The following NOS1 variants were observed in gnomAD, a reference collection of about 807,000 sequenced individuals.
NOS1 encodes the protein nitric oxide synthase 1, also known as NOS type I.
A neutral mutation model predicts 164.5 loss-of-function variants in NOS1; 51 were observed. The observed-to-expected ratio is 0.31, with a 90% CI of 0.25 to 0.39. The LOEUF (loss-of-function observed/expected upper bound fraction) is 0.39, where lower values mean the gene tolerates loss of function less well. Ranked by LOEUF, NOS1 falls within the 10% of genes least tolerant of loss-of-function variation. The pLI, the probability that NOS1 is intolerant of heterozygous loss-of-function variation, is 1.00. For missense variants in NOS1, 1,362 were observed against 1,885.6 expected (o/e 0.72, Z 5.14); for synonymous variants, 719 against 745.8 (o/e 0.96, Z 0.59).
intron 26 of NOS1, among the ~76,000 whole-genome samples, chr12:117,220,996 G>GCC (rs948097861): frequency 1.3e-5 from 2 of 151,720 alleles, no homozygotes; most frequent in Admixed American, 1.3e-4. Context: ...CTCTCTGAGT[G>GCC]CCCCCCCAAC....
intron 17 of NOS1, among the ~76,000 whole-genome samples, chr12:117,250,058 G>A (rs1055097223): frequency 2.6e-5 from 4 of 152,050 alleles, no homozygotes; most frequent in African/African-American, 9.7e-5. Flanking sequence ...TTTTTAGGAC[G>A]ATGGGGACAA....
intron 15 of NOS1, 52 bp from the exon 16 acceptor site, chr12:117,258,507 T>C: frequency 1.3e-6 from 2 of 1,580,120 alleles, no homozygotes; most frequent in Non-Finnish European, 1.7e-6. Context: ...AAATGGGAAA[T>C]CAGGTCGGAT....
At chr12:117,357,357 A>G (rs557669061) in intron 1 of NOS1, among the ~76,000 whole-genome samples, 1 of 152,320 alleles carries the variant, frequency 6.6e-6, no homozygotes, top group African/African-American at 2.4e-5. Context: ...AGGTGGGAGG[A>G]ATTATTTTCA....
chr12:117,280,925 A>G (rs1435342441), intron 7 of NOS1, 59 bp from the exon 8 acceptor site: 1 of 1,577,008 alleles, frequency 6.3e-7, no homozygotes, highest in African/African-American at 1.3e-5. Flanking sequence ...GTGGGAACAT[A>G]CTAAACATGG....
chr12:117,292,103 G>C (rs116791420), intron 3 of NOS1, among the ~76,000 whole-genome samples: 3,492 of 152,210 alleles, frequency 0.023, 108 homozygotes, highest in African/African-American at 0.079. Flanking sequence ...TATAATACAT[G>C]CTCAATAAAT....
chr12:117,242,811 G>A lies in NOS1; in HGVS notation c.2963-106C>T, dbSNP rs1379504215. 7.6e-5 allele frequency: 72 copies of A among 948,200 alleles called. No homozygotes were observed. In the East Asian group the frequency reaches 1.7e-3, roughly 22 times the overall value. 58.7% of individuals were successfully genotyped at this position (948,200 alleles called of 1,614,324 possible). On this transcript the variant is annotated intron_variant, in intron 19 of 28. Coordinates refer to ENST00000317775, the MANE Select transcript of NOS1 (RefSeq NM_000620.5). ...CACGCCCATAATCCCAACTACTTAG[G>A]AGGCTGAGGTGGGAGGATCACTTGA...
chr12:117,328,953 G>A (rs1875395893), intron 2 of NOS1, among the ~76,000 whole-genome samples: 1 of 152,216 alleles, frequency 6.6e-6, no homozygotes, highest in South Asian at 2.1e-4. Context: ...TGTACAGCAT[G>A]TGACTGTACG....
chr12:117,277,836 C>T (rs1030460229), intron 9 of NOS1, 123 bp downstream of exon 9: 4 of 1,199,826 alleles, frequency 3.3e-6, no homozygotes, highest in East Asian at 2.4e-5. Context: ...AGGAACCAAG[C>T]CCCCCTTTCC....
rs555985207 is a variant in NOS1, at chr12:117,348,614, G to A, written c.-421+12898C>T. Among the ~76,000 whole-genome samples, 6 of 152,214 alleles carry A rather than the reference G, an allele frequency of 3.9e-5. No homozygotes were observed. The East Asian group carries it at 9.7e-4, about 24-fold the overall frequency. ...CCTCATCCTAAAAGCTAATATCCAC[G>A]AAATCGTCGTATAAATTTGCTAACT... On this transcript the variant is annotated intron_variant, in intron 1 of 28. Coordinates refer to ENST00000317775, the MANE Select transcript of NOS1 (RefSeq NM_000620.5).
chr12:117,330,928 G>A lies in NOS1; in HGVS notation c.142C>T (p.Arg48Cys), dbSNP rs80348085. Residue 48 changes from arginine (R) to cysteine (C), a missense_variant, in exon 2 of 29, where the codon CGT becomes TGT. Around this residue, in one of 4 missense-constraint regions of NOS1, gnomAD observed 362 missense variants for 402.0 expected, o/e 0.90. Transcript: ENST00000317775. This position sits in a 1 kb window ranked among gnomAD's most constrained non-coding sequence, Gnocchi z 4.6. ...KPPVIISDLIRGGAAEQSGLI... is the reference protein window; with the variant it reads ...KPPVIISDLICGGAAEQSGLI... ...CCACTCTGCTCTGCGGCGCCCCCAC[G>A]AATCAGGTCAGAGATGATCACGGGC... The A allele has an allele frequency of 6.8e-6, 11 of 1,614,056 alleles. No individual in the cohort carries two copies. The highest frequency in any genetic ancestry group is 4.0e-5 in the African/African-American group (3 of 74,932).
intron 1 of NOS1, among the ~76,000 whole-genome samples, chr12:117,338,387 C>A: frequency 6.8e-6 from 1 of 147,434 alleles, no homozygotes; most frequent in South Asian, 2.2e-4. Context: ...GGTGACAGAA[C>A]AAGACCCTGT....
At chr12:117,276,075 G>A (rs1209344212) in intron 9 of NOS1, among the ~76,000 whole-genome samples, 2 of 151,756 alleles carry the variant, frequency 1.3e-5, no homozygotes, top group Non-Finnish European at 2.9e-5. Context: ...GTAGGTGCAT[G>A]TACTTATGGG....
chr12:117,234,624 G>A lies in NOS1; in HGVS notation c.3176C>T (p.Ala1059Val), dbSNP rs56266548. 69 of 1,613,980 alleles carry A rather than the reference G, an allele frequency of 4.3e-5. No homozygotes were observed. Among genetic ancestry groups the A allele is most frequent in the African/African-American group, 9.3e-5 (7 of 74,922 alleles). Residue 1059 changes from alanine (A) to valine (V), a missense_variant, in exon 21 of 29, where the codon GCG becomes GTG. Ala to Val is a moderately conservative substitution (Grantham distance 64). This residue lies in a region of NOS1 where 737 missense variants were observed against 1,030.3 expected (regional missense o/e 0.72). Coordinates refer to ENST00000317775, the MANE Select transcript of NOS1 (RefSeq NM_000620.5). The surrounding 1 kb of genome is among the most constrained non-coding windows in gnomAD (Gnocchi z 4.3). ...VNALIERLED[A>V]PPVNQMVKVE... ...TTTCACCATCTGGTTGACAGGCGGC[G>A]CGTCCTCCAGCCGCTCGATCAGGGC... is the stretch of plus-strand genomic sequence containing the variant.
At chr12:117,310,591 G>C (rs1015206036) in intron 3 of NOS1, among the ~76,000 whole-genome samples, 3 of 152,134 alleles carry the variant, frequency 2.0e-5, no homozygotes, top group East Asian at 3.8e-4. Flanking sequence ...AAAACTATGT[G>C]ACTAGGATTA....
At chr12:117,228,785 A>C (rs1296970329) in intron 22 of NOS1, among the ~76,000 whole-genome samples, 1 of 151,778 alleles carries the variant, frequency 6.6e-6, no homozygotes, top group Non-Finnish European at 1.5e-5. Context: ...AACTTTTTTA[A>C]ATTTATTTTT....
intron 15 of NOS1, 149 bp downstream of exon 15, chr12:117,258,877 T>TA (rs1398106290): frequency 1.6e-6 from 1 of 616,476 alleles, no homozygotes; most frequent in African/African-American, 1.8e-5. Context: ...CCAACCTTTG[T>TA]ATAACTTGGA....
chr12:117,321,056 C>T (rs761482828), intron 2 of NOS1, among the ~76,000 whole-genome samples: 28 of 152,198 alleles, frequency 1.8e-4, no homozygotes, highest in Non-Finnish European at 4.0e-4. Flanking sequence ...GTTGCCCAGG[C>T]TGGAGTGCGG....
chr12:117,268,718 T>C (rs1872596499), intron 10 of NOS1, among the ~76,000 whole-genome samples: 1 of 151,070 alleles, frequency 6.6e-6, no homozygotes, highest in African/African-American at 2.4e-5. Flanking sequence ...GCCTCCTGAG[T>C]AGCTGGGACT....
Position 117,286,211 on chromosome 12 carries a change from T to C in NOS1, c.1183A>G (p.Thr395Ala). 1 of 1,614,192 alleles carries C rather than the reference T, an allele frequency of 6.2e-7. No homozygotes were observed. Among genetic ancestry groups the C allele is most frequent in the Non-Finnish European group, 8.5e-7 (1 of 1,180,046 alleles). Reference sequence around the variant, plus strand: ...TCCTTGAGCTGGTAAGTGCTAGTGGTGTCGATCTCTTTGTTCACCTCTTCC... The same window carrying C: ...TCCTTGAGCTGGTAAGTGCTAGTGGCGTCGATCTCTTTGTTCACCTCTTCC... Reference protein sequence around the residue: ...RLEEVNKEIDTTSTYQLKDTE... With the variant: ...RLEEVNKEIDATSTYQLKDTE... The change falls in exon 6 of 29, where the codon ACC becomes GCC. Residue 395 changes from threonine to alanine, a missense_variant. Physicochemically the swap from Thr to Ala is moderately conservative, Grantham distance 58 (BLOSUM62 0). Coordinates refer to ENST00000317775, the MANE Select transcript of NOS1 (RefSeq NM_000620.5).
Sources: gnomAD v4.1 joint callset for allele counts (sites outside exome capture counted in the v4.1 genomes callset) on GRCh38, gnomAD v4.1.1 for gene constraint, gnomAD v4.1.1 regional missense constraint, Gnocchi (gnomAD v3.1) non-coding constraint, MANE v1.5 for transcripts, NCBI Gene and HGNC (gene_info 2026-07-23, HGNC 2026-07-21) for gene names.